The following NPR3 variants were observed in gnomAD, a reference collection of about 807,000 sequenced individuals.
NPR3 encodes the protein natriuretic peptide receptor 3, also known as atrial natriuretic peptide receptor 3.
In NPR3, 34 loss-of-function variants were observed where a neutral mutation model predicts 54.5. The observed-to-expected ratio is 0.62, with a 90% CI of 0.47 to 0.83. The LOEUF is 0.83. Ranked by LOEUF, NPR3 falls within the 40% of genes least tolerant of loss-of-function variation. The pLI, the probability that NPR3 is intolerant of heterozygous loss-of-function variation, is 0.00. For missense variants in NPR3, 674 were observed against 720.8 expected, an observed-to-expected ratio of 0.94 and a Z score of 0.74; for synonymous variants, 289 against 297.1, an observed-to-expected ratio of 0.97 and a Z score of 0.28.
rs1484970635 is a variant in NPR3, at chr5:32,728,831, GTGTGTGTATATATATA to G, written c.892+4013_892+4028del. Among the ~76,000 whole-genome samples the G allele has an allele frequency of 2.7e-3, 175 of 63,966 alleles. 1 individual carries two copies. The highest frequency in any genetic ancestry group is 0.011 in the African/African-American group (166 of 15,766). The allele number at this position is 63,966 out of a possible 152,430, so 42.0% of individuals were successfully genotyped here. On this transcript the variant is annotated intron_variant, in intron 2 of 7. Transcript: ENST00000265074. The stretch of plus-strand genomic sequence containing the variant: ...TTGGAATATTTGTGTGTGTGTGTGT[GTGTGTGTATATATATA>G]TATATATATATATATATATATATAT...
chr5:32,763,930 G>A (rs963013313), intron 3 of NPR3, among the ~76,000 whole-genome samples: 1 of 152,180 alleles, frequency 6.6e-6, no homozygotes, highest in Non-Finnish European at 1.5e-5. Context: ...TCTTAGGGTT[G>A]CTCTGTTTTG....
At chr5:32,722,972 C>T (rs762835112) in intron 1 of NPR3, among the ~76,000 whole-genome samples, 15 of 152,014 alleles carry the variant, frequency 9.9e-5, no homozygotes, top group African/African-American at 1.9e-4. Flanking sequence ...TGCTGTACAC[C>T]GAGCCCTTTT....
At chr5:32,749,577 A>G (rs1740472113) in intron 3 of NPR3, among the ~76,000 whole-genome samples, 2 of 152,178 alleles carry the variant, frequency 1.3e-5, no homozygotes, top group African/African-American at 4.8e-5. Context: ...CCCAAATATG[A>G]ATATCTGGAA....
At chr5:32,723,069 G>T (rs1017596865) in intron 1 of NPR3, among the ~76,000 whole-genome samples, 1 of 152,148 alleles carries the variant, frequency 6.6e-6, no homozygotes, top group Non-Finnish European at 1.5e-5. Flanking sequence ...CCTCCATGCA[G>T]GTTGCCAAGG....
rs115598614 is a variant in NPR3 at position 32,753,674 on chromosome 5, A to G, written c.1059+14644A>G. The stretch of plus-strand genomic sequence containing the variant: ...TTAACTTGGTGAGGACCTCTAATGC[A>G]CAAAACATTAGAGGTTCAGTAGAGT... On this transcript the variant is annotated intron_variant, in intron 3 of 7. Transcript: ENST00000265074. 2.7e-3 allele frequency among the ~76,000 whole-genome samples: 374 copies of G among 140,310 alleles called. 1 individual carries two copies. The highest frequency in any genetic ancestry group is 9.5e-3 in the African/African-American group (359 of 37,844). The allele number at this position is 140,310 out of a possible 152,430, so 92.0% of individuals were successfully genotyped here.
At chr5:32,773,920 G>T (rs1352543899) in intron 3 of NPR3, among the ~76,000 whole-genome samples, 1 of 152,200 alleles carries the variant, frequency 6.6e-6, no homozygotes, top group Non-Finnish European at 1.5e-5. Context: ...AAAGCTCAAA[G>T]AGATGAAGTG....
At chr5:32,714,764 G>A (rs189396229) in intron 1 of NPR3, among the ~76,000 whole-genome samples, 2 of 152,174 alleles carry the variant, frequency 1.3e-5, no homozygotes, top group East Asian at 1.9e-4. Flanking sequence ...CTCTCTTAGG[G>A]GACCTTTTAA....
intron 1 of NPR3, chr5:32,713,116 C>G: frequency 1.0e-6 from 1 of 952,558 alleles, no homozygotes; most frequent in Non-Finnish European, 1.3e-6. Context: ...TTTCATTTCC[C>G]TTCCAGCCCC....
At chr5:32,754,995 G>C (rs948617968) in intron 3 of NPR3, among the ~76,000 whole-genome samples, 1 of 152,280 alleles carries the variant, frequency 6.6e-6, no homozygotes, top group Non-Finnish European at 1.5e-5. Flanking sequence ...TGAGTAGCTG[G>C]GACTACAGGC....
At chr5:32,744,709 C>T (rs1227165292) in intron 3 of NPR3, among the ~76,000 whole-genome samples, 1 of 152,182 alleles carries the variant, frequency 6.6e-6, no homozygotes, top group Non-Finnish European at 1.5e-5. Context: ...TCTTACTCAT[C>T]CTTCAGATTG....
At chr5:32,739,980 A>G (rs1239978776) in intron 3 of NPR3, among the ~76,000 whole-genome samples, 1 of 152,190 alleles carries the variant, frequency 6.6e-6, no homozygotes, top group Non-Finnish European at 1.5e-5. Flanking sequence ...TCCTGGGCTC[A>G]AGCGATCCTC....
chr5:32,728,197 T>C (rs1284608894), intron 2 of NPR3, among the ~76,000 whole-genome samples: 1 of 152,228 alleles, frequency 6.6e-6, no homozygotes, highest in Non-Finnish European at 1.5e-5. Flanking sequence ...CTGCGGTGGC[T>C]CATGCCTTTA....
At chr5:32,754,641 A>G (rs1280147807) in intron 3 of NPR3, among the ~76,000 whole-genome samples, 2 of 151,972 alleles carry the variant, frequency 1.3e-5, no homozygotes, top group Non-Finnish European at 1.5e-5. Flanking sequence ...CTCTGGGGTG[A>G]ACTTGCTTCT....
intron 3 of NPR3, among the ~76,000 whole-genome samples, chr5:32,757,426 C>G (rs1740905977): frequency 6.6e-6 from 1 of 152,136 alleles, no homozygotes; most frequent in African/African-American, 2.4e-5. Context: ...TATAAGAATG[C>G]TTGTGATTTT....
intron 1 of NPR3, among the ~76,000 whole-genome samples, chr5:32,699,666 GTTA>G (rs1461725176): frequency 2.6e-5 from 4 of 152,108 alleles, no homozygotes; most frequent in African/African-American, 9.7e-5. Flanking sequence ...AGTTGTTGTA[GTTA>G]TTATTTTTGA....
At chr5:32,700,912 A>G (rs2111816821) in intron 1 of NPR3, among the ~76,000 whole-genome samples, 1 of 152,340 alleles carries the variant, frequency 6.6e-6, no homozygotes, top group East Asian at 1.9e-4. Flanking sequence ...GTATATACCC[A>G]GTAATGGGAT....
At chr5:32,761,398 A>AT (rs1187722533) in intron 3 of NPR3, among the ~76,000 whole-genome samples, 2 of 152,078 alleles carry the variant, frequency 1.3e-5, no homozygotes, top group East Asian at 1.9e-4. Flanking sequence ...CACATTTCTG[A>AT]TTTTTAAAAA....
At chr5:32,774,317 C>T (rs549163280) in intron 3 of NPR3, among the ~76,000 whole-genome samples, 4 of 152,176 alleles carry the variant, frequency 2.6e-5, no homozygotes, top group African/African-American at 9.6e-5. Context: ...ATGAAGAGAT[C>T]GTGGGGCTGT....
chr5:32,713,164 CCT>C (rs1293056465), intron 1 of NPR3: 2 of 985,250 alleles, frequency 2.0e-6, no homozygotes, highest in African/African-American at 1.7e-5. Context: ...CAAAAATGCC[CCT>C]GTGTGTCTGA....
Sources: gnomAD v4.1 joint callset for allele counts (sites outside exome capture counted in the v4.1 genomes callset) on GRCh38, gnomAD v4.1.1 for gene constraint, MANE v1.5 for transcripts, NCBI Gene and HGNC (gene_info 2026-07-23, HGNC 2026-07-21) for gene names.